The following KANK1 variants were observed in gnomAD, a reference collection of about 807,000 sequenced individuals.
The protein encoded by KANK1 is KN motif and ankyrin repeat domains 1.
In KANK1, 109 loss-of-function variants were observed where a neutral mutation model predicts 106.2. The ratio of observed to expected loss-of-function variants is 1.03; its 90% CI spans 0.88 to 1.20. The LOEUF (loss-of-function observed/expected upper bound fraction) is 1.20, where lower values mean the gene tolerates loss of function less well. Ranked by LOEUF, KANK1 falls within the 50% of genes most tolerant of loss-of-function variation. The pLI, the probability that KANK1 is intolerant of heterozygous loss-of-function variation, is 0.00. For missense variants in KANK1, 2,399 were observed against 1,710.7 expected (o/e 1.40, Z -7.10); for synonymous variants, 873 against 652.2 (o/e 1.34, Z -5.16).
chr9:555,273 G>C (rs568448302), intron 1 of KANK1, among the ~76,000 whole-genome samples: 4 of 152,222 alleles, frequency 2.6e-5, no homozygotes, highest in Admixed American at 6.5e-5. Flanking sequence ...AGGGTGATAC[G>C]ATGACTCTAT....
chr9:611,004 C>T (rs1326248549), intron 1 of KANK1, among the ~76,000 whole-genome samples: 1 of 152,194 alleles, frequency 6.6e-6, no homozygotes, highest in Non-Finnish European at 1.5e-5. Context: ...TTGTCTCTGA[C>T]AGAAGGCATC....
intron 1 of KANK1, among the ~76,000 whole-genome samples, chr9:608,904 G>A (rs1182736390): frequency 6.6e-6 from 1 of 152,144 alleles, no homozygotes; most frequent in African/African-American, 2.4e-5. Context: ...CATACACATT[G>A]CTTCAATAGA....
chr9:567,128 G>C (rs559215072), intron 1 of KANK1, among the ~76,000 whole-genome samples: 1 of 152,116 alleles, frequency 6.6e-6, no homozygotes, highest in Non-Finnish European at 1.5e-5. Flanking sequence ...GTTTTTGTCA[G>C]GTTTGTCAAA....
At chr9:535,688 G>C (rs897671491) in intron 1 of KANK1, among the ~76,000 whole-genome samples, 9 of 152,200 alleles carry the variant, frequency 5.9e-5, no homozygotes, top group Non-Finnish European at 2.9e-5. Context: ...CCACTTGCTT[G>C]GTGCACAGTA....
intron 1 of KANK1, among the ~76,000 whole-genome samples, chr9:587,302 T>C (rs1823738821): frequency 6.6e-6 from 1 of 152,218 alleles, no homozygotes; most frequent in South Asian, 2.1e-4. Context: ...AAAAGACTTT[T>C]ATAGGATGAA....
chr9:661,333 G>T (rs768293934), intron 1 of KANK1, among the ~76,000 whole-genome samples: 16 of 150,824 alleles, frequency 1.1e-4, no homozygotes, highest in Admixed American at 1.3e-4. Context: ...GTCCAAGTGT[G>T]CTCATTGTTC....
At chr9:565,388 GCA>G (rs1817555986) in intron 1 of KANK1, among the ~76,000 whole-genome samples, 1 of 152,232 alleles carries the variant, frequency 6.6e-6, no homozygotes, top group Non-Finnish European at 1.5e-5. Context: ...CTTCTGCAGA[GCA>G]TAACTTGTGT....
chr9:730,200 C>T lies in KANK1; in HGVS notation c.2848C>T (p.Leu950=). The T allele has an allele frequency of 1.9e-6, 3 of 1,614,096 alleles. No individual in the cohort carries two copies. Among genetic ancestry groups the T allele is most frequent in the East Asian group, 4.5e-5 (2 of 44,894 alleles). ...TGCCTTCCCCACTCAGGAAGGTACG[C>T]TGTCTCCAGTGAACCTGACAGACGA... ...LDAFPTQEGT[L]SPVNLTDDQI... is the part of the protein sequence containing the mutation. The change falls in exon 4 of 12, where the codon CTG becomes TTG. Residue 950 remains leucine, a synonymous_variant. Transcript: ENST00000382297.
At position 713,428 on chromosome 9, in the gene KANK1, C is replaced by G. The variant is rs374172115; in HGVS notation, c.2662C>G (p.Pro888Ala). 4.1e-4 allele frequency: 661 copies of G among 1,603,676 alleles called. 6 individuals carry two copies. The South Asian group carries it at 6.8e-3, about 17-fold the overall frequency. ...KSASTEELRN[P>A]DFQKTSLGKI... Reference sequence around the variant, plus strand: ...TGCAAGCACTGAAGAGCTGAGGAACCCTGACTTCCAGAAAACCAGTCTGGG... The same window carrying G: ...TGCAAGCACTGAAGAGCTGAGGAACGCTGACTTCCAGAAAACCAGTCTGGG... The change falls in exon 3 of 12, where the codon CCT (proline) becomes GCT (alanine). Residue 888 changes from proline to alanine, a missense_variant. By Grantham distance (27) the Pro-to-Ala change is conservative. Coordinates refer to ENST00000382297, the MANE Select transcript of KANK1 (RefSeq NM_015158.5).
At chr9:719,144 T>A (rs114909244) in intron 3 of KANK1, among the ~76,000 whole-genome samples, 5,334 of 152,022 alleles carry the variant, frequency 0.035, 323 homozygotes, top group African/African-American at 0.12. Context: ...TTTATTATTA[T>A]TTTTAGTAGA....
intron 2 of KANK1, among the ~76,000 whole-genome samples, chr9:703,846 G>A (rs988542744): frequency 1.3e-5 from 2 of 151,936 alleles, no homozygotes; most frequent in Non-Finnish European, 2.9e-5. Flanking sequence ...TGAATAGCTG[G>A]GATTACAGGT....
intron 1 of KANK1, among the ~76,000 whole-genome samples, chr9:545,411 G>A (rs1455757463): frequency 1.3e-5 from 2 of 152,138 alleles, no homozygotes; most frequent in Non-Finnish European, 2.9e-5. Flanking sequence ...TTGAGTTCTG[G>A]GAGTCTTTCC....
intron 1 of KANK1, among the ~76,000 whole-genome samples, chr9:552,086 G>A (rs986412708): frequency 4.6e-5 from 7 of 152,038 alleles, no homozygotes; most frequent in Admixed American, 6.6e-5. Flanking sequence ...TGTAACAGTA[G>A]GATCTAATCT....
At chr9:673,704 A>G (rs1043046406) in intron 1 of KANK1, 1 of 152,284 alleles carries the variant, frequency 6.6e-6, no homozygotes, top group South Asian at 2.1e-4. Flanking sequence ...AAGCTTGACT[A>G]GGAAGATTCT....
At chr9:506,045 C>T (rs752558185) in intron 1 of KANK1, among the ~76,000 whole-genome samples, 3 of 152,140 alleles carry the variant, frequency 2.0e-5, no homozygotes, top group Admixed American at 1.3e-4. Context: ...TAAATTTACT[C>T]TTCTAAGGTC....
At chr9:737,689 G>C (rs959368200) in intron 7 of KANK1, among the ~76,000 whole-genome samples, 1 of 152,212 alleles carries the variant, frequency 6.6e-6, no homozygotes, top group African/African-American at 2.4e-5. Flanking sequence ...TGGGATTGGG[G>C]TGGGAATTGG....
At chr9:640,855 C>G (rs1838273200) in intron 1 of KANK1, among the ~76,000 whole-genome samples, 1 of 151,906 alleles carries the variant, frequency 6.6e-6, no homozygotes, top group Admixed American at 6.6e-5. Flanking sequence ...CGCCACCAGG[C>G]CCAGCTAATT....
At chr9:478,719 A>T (rs1218657832) in intron 3 of KANK1, among the ~76,000 whole-genome samples, 2 of 152,194 alleles carry the variant, frequency 1.3e-5, no homozygotes, top group East Asian at 3.8e-4. Context: ...CTTTACACCA[A>T]AACTTCTTCC....
intron 3 of KANK1, among the ~76,000 whole-genome samples, chr9:722,356 GCT>G (rs1011972725): frequency 6.6e-6 from 1 of 150,770 alleles, no homozygotes; most frequent in African/African-American, 2.4e-5. Context: ...TGCCTCTCTT[GCT>G]CTCTCTCTCT....
Sources: allele counts gnomAD v4.1 joint callset (sites outside exome capture counted in the v4.1 genomes callset), GRCh38; gene constraint gnomAD v4.1.1; transcripts MANE v1.5; gene names NCBI Gene and HGNC (gene_info 2026-07-23, HGNC 2026-07-21).